The following NLGN4X variants were observed in gnomAD, a reference collection of about 807,000 sequenced individuals.
The protein encoded by NLGN4X is neuroligin-4, X-linked.
A neutral mutation model predicts 40.3 loss-of-function variants in NLGN4X; 3 were observed. That is an observed-to-expected ratio of 0.07 (90% CI 0.03 to 0.19). The LOEUF (loss-of-function observed/expected upper bound fraction) is 0.19, where lower values mean the gene tolerates loss of function less well. NLGN4X is among the 10% of genes least tolerant of loss of function. The pLI, the probability that NLGN4X is intolerant of heterozygous loss-of-function variation, is 1.00. For missense variants in NLGN4X, 382 were observed against 708.3 expected, an observed-to-expected ratio of 0.54 and a Z score of 5.23; for synonymous variants, 270 against 306.8, an observed-to-expected ratio of 0.88 and a Z score of 1.25.
chrX:5,920,852 G>A (rs919936109), intron 3 of NLGN4X, among the ~76,000 whole-genome samples: 11 of 110,850 alleles, frequency 9.9e-5, no homozygotes, highest in African/African-American at 3.0e-4. Context: ...GGGCTTTGAG[G>A]TTACTGAAGC....
intron 3 of NLGN4X, among the ~76,000 whole-genome samples, chrX:5,988,159 C>A (rs906307432): frequency 1.5e-4 from 17 of 112,127 alleles, no homozygotes; most frequent in African/African-American, 5.2e-4. Flanking sequence ...CACTTCCGTA[C>A]AGTAGCAGCA....
intron 3 of NLGN4X, among the ~76,000 whole-genome samples, chrX:6,026,129 C>T (rs191042543): frequency 1.0e-4 from 11 of 109,897 alleles, no homozygotes; most frequent in Non-Finnish European, 1.9e-4. Flanking sequence ...CTGTCTGTCT[C>T]TGGCTGCGAT....
rs569879032 is a variant in NLGN4X, at chrX:5,966,159, T to C, written c.626-56920A>G. On this transcript the variant is annotated intron_variant, in intron 3 of 5. Coordinates refer to ENST00000381095, the MANE Select transcript of NLGN4X (RefSeq NM_181332.3). ...CATTAAAAACCATAGCATGTGTTCATTGGAGCTCCTGAAAAGGTAGAACAT... is the reference window on the plus strand; with the variant it reads ...CATTAAAAACCATAGCATGTGTTCACTGGAGCTCCTGAAAAGGTAGAACAT... Among the ~76,000 whole-genome samples, 19 of 111,945 alleles carry C rather than the reference T, an allele frequency of 1.7e-4. No individual in the cohort carries two copies. In the South Asian group the frequency reaches 1.9e-3, roughly 11 times the overall value.
intron 5 of NLGN4X, among the ~76,000 whole-genome samples, chrX:5,902,567 T>C (rs1217797911): frequency 9.0e-6 from 1 of 110,903 alleles, no homozygotes; most frequent in Non-Finnish European, 1.9e-5. Context: ...CAGGCACCTG[T>C]AGTCCCAGCT....
chrX:5,948,301 G>A (rs779411361), intron 3 of NLGN4X, among the ~76,000 whole-genome samples: 13 of 112,095 alleles, frequency 1.2e-4, no homozygotes, highest in African/African-American at 4.2e-4. Flanking sequence ...TTACATTTAA[G>A]TGTAACCAAA....
chrX:6,150,672 T>C (rs1246169549), intron 2 of NLGN4X, among the ~76,000 whole-genome samples: 1 of 112,160 alleles, frequency 8.9e-6, no homozygotes, highest in African/African-American at 3.2e-5. Context: ...CCTTTACAGA[T>C]GATTCAGGTA....
In NLGN4X at chrX:6,154,729, G is replaced by A. The variant is rs1300398164; in HGVS notation, c.-305-2958C>T. 2.7e-5 allele frequency among the ~76,000 whole-genome samples: 3 copies of A among 111,742 alleles called. No homozygotes were observed. In the Admixed American group the frequency reaches 2.9e-4, roughly 11 times the overall value. On this transcript the variant is annotated intron_variant, in intron 1 of 5. Transcript: ENST00000381095. ...CATTAAATATATACATATACTTTGG[G>A]AGTGAAGAAGGGCTATATAGCATGT...
chrX:6,013,718 C>T (rs921507658), intron 3 of NLGN4X, among the ~76,000 whole-genome samples: 7 of 109,929 alleles, frequency 6.4e-5, no homozygotes, highest in East Asian at 5.8e-4. Context: ...CTTAGCTGGG[C>T]GTGGTGGTGC....
At chrX:6,076,402 C>T (rs906615761) in intron 2 of NLGN4X, among the ~76,000 whole-genome samples, 2 of 111,893 alleles carry the variant, frequency 1.8e-5, no homozygotes, top group African/African-American at 6.5e-5. Flanking sequence ...CTAGGGGCTC[C>T]CAGTAGATGA....
chrX:5,958,123 A>G (rs1269278856), intron 3 of NLGN4X, among the ~76,000 whole-genome samples: 2 of 111,865 alleles, frequency 1.8e-5, no homozygotes, highest in Non-Finnish European at 3.8e-5. Flanking sequence ...GAGTTAAATA[A>G]TAGCTGGTGA....
rs2039770721 is a variant in NLGN4X at position 6,134,582 on chromosome X, A to T, written c.472+16413T>A. Among the ~76,000 whole-genome samples, 4 of 112,603 alleles carry T rather than the reference A, an allele frequency of 3.6e-5. No individual in the cohort carries two copies. In the South Asian group the frequency reaches 1.5e-3, roughly 41 times the overall value. ...ACAACATTTAGCAAAGTGGCCTGAC[A>T]ATTAGAATAAGTTCAATAAATATTC... On this transcript the variant is annotated intron_variant, in intron 2 of 5. Transcript: ENST00000381095.
chrX:5,957,218 T>C (rs753880635), intron 3 of NLGN4X, among the ~76,000 whole-genome samples: 4 of 111,865 alleles, frequency 3.6e-5, no homozygotes, highest in South Asian at 3.7e-4. Context: ...TACGTGCAAA[T>C]AGATATACTA....
intron 1 of NLGN4X, chrX:6,227,897 C>A (rs1256138854): frequency 9.2e-6 from 1 of 108,924 alleles, no homozygotes; most frequent in African/African-American, 3.4e-5. Flanking sequence ...TTAACAGCAC[C>A]CCCCCAACCC....
intron 3 of NLGN4X, among the ~76,000 whole-genome samples, chrX:5,929,868 A>G (rs187683198): frequency 4.9e-4 from 55 of 112,464 alleles, no homozygotes; most frequent in African/African-American, 1.7e-3. Context: ...TAGGTTTGAT[A>G]AAGAGTGGAC....
At chrX:5,972,148 T>C (rs372804359) in intron 3 of NLGN4X, among the ~76,000 whole-genome samples, 2 of 103,212 alleles carry the variant, frequency 1.9e-5, no homozygotes, top group Non-Finnish European at 3.8e-5. Context: ...CACACACATA[T>C]GTATATGTGT....
intron 4 of NLGN4X, among the ~76,000 whole-genome samples, chrX:5,908,367 G>A (rs868544243): frequency 9.0e-6 from 1 of 110,878 alleles, no homozygotes; most frequent in East Asian, 2.9e-4. Context: ...AGAGAGGAGC[G>A]ACTTCTTAAA....
At chrX:5,932,363 T>A (rs1221878305) in intron 3 of NLGN4X, among the ~76,000 whole-genome samples, 1 of 111,584 alleles carries the variant, frequency 9.0e-6, no homozygotes, top group Non-Finnish European at 1.9e-5. Flanking sequence ...TGGATGAGTT[T>A]CCACTCACCT....
chrX:6,038,173 G>A (rs1468463787), intron 2 of NLGN4X, among the ~76,000 whole-genome samples: 1 of 111,843 alleles, frequency 8.9e-6, no homozygotes, highest in African/African-American at 3.2e-5. Flanking sequence ...AGAGTCTGGG[G>A]ATAGAGGGGT....
chrX:6,215,599 C>T, intron 1 of NLGN4X, among the ~76,000 whole-genome samples: 1 of 110,091 alleles, frequency 9.1e-6, no homozygotes, highest in Non-Finnish European at 1.9e-5. Context: ...CTCTGTGACT[C>T]AATTTCCTTG....
Sources: allele counts gnomAD v4.1 joint callset (sites outside exome capture counted in the v4.1 genomes callset), GRCh38; gene constraint gnomAD v4.1.1; transcripts MANE v1.5; gene names NCBI Gene and HGNC (gene_info 2026-07-23, HGNC 2026-07-21).